Variants in DMD observed in about 807,000 individuals in gnomAD.
DMD encodes the protein dystrophin.
In DMD, 63 loss-of-function variants were observed where a neutral mutation model predicts 330.1. The observed-to-expected ratio is 0.19, with a 90% CI of 0.16 to 0.24. The LOEUF is 0.24. Ranked by LOEUF, DMD falls within the 10% of genes least tolerant of loss-of-function variation. The probability of loss-of-function intolerance (pLI) is 1.00; values close to 1 mark genes in which losing one functional copy is unlikely to be tolerated. For missense variants in DMD, 3,344 were observed against 2,684.1 expected, an observed-to-expected ratio of 1.25 and a Z score of -5.43; for synonymous variants, 1,223 against 959.8, an observed-to-expected ratio of 1.27 and a Z score of -5.07.
At chrX:32,605,659 A>G (rs1187824471) in intron 12 of DMD, among the ~76,000 whole-genome samples, 1 of 111,159 alleles carries the variant, frequency 9.0e-6, no homozygotes, top group Non-Finnish European at 1.9e-5. Flanking sequence ...ACATCTAACA[A>G]AAAACTAATA....
intron 74 of DMD, among the ~76,000 whole-genome samples, chrX:31,167,542 C>G (rs2039549503): frequency 9.0e-6 from 1 of 111,494 alleles, no homozygotes; most frequent in East Asian, 2.8e-4. Flanking sequence ...ACATCAAATT[C>G]TATTTACAGT....
chrX:32,077,444 T>C (rs909422665), intron 44 of DMD, among the ~76,000 whole-genome samples: 2 of 111,743 alleles, frequency 1.8e-5, no homozygotes, highest in Non-Finnish European at 3.8e-5. Context: ...GAAAGTTATA[T>C]AAATGTGATA....
At chrX:32,420,215 T>A (rs956228426) in intron 29 of DMD, among the ~76,000 whole-genome samples, 3 of 111,947 alleles carry the variant, frequency 2.7e-5, no homozygotes, top group Non-Finnish European at 3.8e-5. Flanking sequence ...AGGCAGTGAA[T>A]AATTTATTGA....
At position 32,236,910 on chromosome X, in the gene DMD, TGTTAG is replaced by T. The variant is rs755995258; in HGVS notation, c.6291-19852_6291-19848del. Among the ~76,000 whole-genome samples, 96 of 112,276 alleles carry T rather than the reference TGTTAG, an allele frequency of 8.6e-4. 6 individuals are homozygous for T. The East Asian group carries it at 0.012, about 14-fold the overall frequency. The stretch of plus-strand genomic sequence containing the variant: ...TTTTTAAACTTTAAAAATATTTTCC[TGTTAG>T]GTTATTTTTATTTTGTTCTATTGAT... On this transcript the variant is annotated intron_variant, in intron 43 of 78. Coordinates refer to ENST00000357033, the MANE Select transcript of DMD (RefSeq NM_004006.3).
At chrX:32,613,041 T>C (rs1331002734) in intron 12 of DMD, among the ~76,000 whole-genome samples, 4 of 111,646 alleles carry the variant, frequency 3.6e-5, no homozygotes, top group Non-Finnish European at 7.5e-5. Flanking sequence ...TTCGAAGGTA[T>C]GAGGTAAAGG....
chrX:33,081,664 C>G (rs1016677604), intron 1 of DMD, among the ~76,000 whole-genome samples: 3 of 112,245 alleles, frequency 2.7e-5, no homozygotes, highest in Non-Finnish European at 5.6e-5. Context: ...TCATGGGAGT[C>G]TGATCTCCCA....
chrX:32,081,359 A>G (rs186032758), intron 44 of DMD, among the ~76,000 whole-genome samples: 161 of 111,947 alleles, frequency 1.4e-3, no homozygotes, highest in African/African-American at 5.0e-3. Context: ...CATGCTGATC[A>G]TACTTTTGAT....
chrX:32,490,834 C>T (rs2042924040), intron 20 of DMD, among the ~76,000 whole-genome samples: 1 of 111,781 alleles, frequency 8.9e-6, no homozygotes, highest in East Asian at 2.8e-4. Context: ...TTGAGAGGTC[C>T]ATCAGTTTTA....
At chrX:31,340,475 GT>G (rs988317209) in intron 61 of DMD, among the ~76,000 whole-genome samples, 1 of 112,037 alleles carries the variant, frequency 8.9e-6, no homozygotes, top group African/African-American at 3.2e-5. Context: ...TGCAATAACT[GT>G]TTGTCTTTTG....
chrX:31,220,843 G>T (rs888882070), intron 64 of DMD, among the ~76,000 whole-genome samples: 4 of 103,964 alleles, frequency 3.8e-5, no homozygotes, highest in Non-Finnish European at 7.8e-5. Context: ...GGCTTTGAAT[G>T]AGGCCCAAAT....
At chrX:32,349,070 G>C (rs184533222) in intron 37 of DMD, among the ~76,000 whole-genome samples, 148 of 111,529 alleles carry the variant, frequency 1.3e-3, no homozygotes, top group African/African-American at 4.7e-3. Flanking sequence ...CTTAGGAACA[G>C]TTTGGTTGGT....
At chrX:32,474,206 C>CACACACAG (rs1569564345) in intron 21 of DMD, among the ~76,000 whole-genome samples, 3 of 28,569 alleles carry the variant, frequency 1.1e-4, no homozygotes, top group African/African-American at 1.8e-4. Flanking sequence ...TACATACATA[C>CACACACAG]ATACACACAC....
chrX:31,567,532 T>C (rs185873222), intron 55 of DMD, among the ~76,000 whole-genome samples: 5 of 111,569 alleles, frequency 4.5e-5, no homozygotes, highest in Non-Finnish European at 9.5e-5. Context: ...CTTTCAAATG[T>C]TGAGCCAGCC....
chrX:31,849,129 A>G (rs2093476446), intron 48 of DMD, among the ~76,000 whole-genome samples: 1 of 110,393 alleles, frequency 9.1e-6, no homozygotes, highest in South Asian at 3.7e-4. Context: ...ATAACCTTAG[A>G]ATATATGATT....
chrX:31,324,398 T>G (rs2056630644), intron 61 of DMD, among the ~76,000 whole-genome samples: 1 of 110,904 alleles, frequency 9.0e-6, no homozygotes, highest in Non-Finnish European at 1.9e-5. Context: ...GCATTGTTTT[T>G]TTTTTTTTCA....
At chrX:32,867,568 CA>C (rs1047735825) in intron 2 of DMD, among the ~76,000 whole-genome samples, 4 of 112,003 alleles carry the variant, frequency 3.6e-5, no homozygotes, top group African/African-American at 1.3e-4. Flanking sequence ...TACATAACTA[CA>C]AAAGGTACCT....
chrX:31,547,745 G>A (rs192710728), intron 55 of DMD, among the ~76,000 whole-genome samples: 15 of 112,303 alleles, frequency 1.3e-4, no homozygotes, highest in Middle Eastern at 4.6e-3. Flanking sequence ...TTAAATAAAT[G>A]AGTCATTTTC....
chrX:32,742,486 G>A (rs1370964009), intron 7 of DMD, among the ~76,000 whole-genome samples: 2 of 111,205 alleles, frequency 1.8e-5, no homozygotes, highest in Admixed American at 9.6e-5. Context: ...GGAAAAATGC[G>A]AGGTAGAGAA....
chrX:32,962,113 G>GT (rs765390561), intron 2 of DMD, among the ~76,000 whole-genome samples: 1 of 111,363 alleles, frequency 9.0e-6, no homozygotes. Flanking sequence ...GTATACATGA[G>GT]TTTTTTTGCA....
Sources: allele counts gnomAD v4.1 joint callset (sites outside exome capture counted in the v4.1 genomes callset), GRCh38; gene constraint gnomAD v4.1.1; transcripts MANE v1.5; gene names NCBI Gene and HGNC (gene_info 2026-07-23, HGNC 2026-07-21).